DENND5A: variants seen among roughly 807,000 people sequenced by gnomAD.
DENND5A encodes the protein DENN domain containing 5A.
Under a neutral mutation model 140.3 loss-of-function variants are expected in DENND5A, and 64 were observed. That is an observed-to-expected ratio of 0.46 (90% CI 0.37 to 0.56). The LOEUF is 0.56. Among genes scored for constraint, DENND5A ranks in the 20% least tolerant of loss-of-function variants. The pLI is 0.00. For synonymous variants in DENND5A, 605 were observed against 607.7 expected (o/e 1.00, Z 0.07); for missense variants, 1,292 against 1,593.8 (o/e 0.81, Z 3.22).
chr11:9,221,933 A>G (rs1850329358), intron 1 of DENND5A, among the ~76,000 whole-genome samples: 1 of 151,476 alleles, frequency 6.6e-6, no homozygotes, highest in African/African-American at 2.4e-5. Context: ...AATTTTTTAT[A>G]TTTTTAGTAG....
chr11:9,236,544 GA>G (rs11367232), intron 1 of DENND5A, among the ~76,000 whole-genome samples: 6,155 of 145,446 alleles, frequency 0.042, 416 homozygotes, highest in African/African-American at 0.14. Flanking sequence ...AAAAAAGAAA[GA>G]AAAAAAAAAG....
intron 5 of DENND5A, among the ~76,000 whole-genome samples, chr11:9,181,583 C>T (rs902907245): frequency 6.6e-6 from 1 of 151,816 alleles, no homozygotes; most frequent in Non-Finnish European, 1.5e-5. Context: ...CAAAAAAATG[C>T]AAAAATTAGC....
At chr11:9,195,584 A>G (rs1006787159) in intron 4 of DENND5A, among the ~76,000 whole-genome samples, 10 of 152,318 alleles carry the variant, frequency 6.6e-5, no homozygotes, top group African/African-American at 2.4e-4. Context: ...CTTGGTTCAT[A>G]AAGTAGTTGT....
intron 6 of DENND5A, 38 bp downstream of exon 6, chr11:9,180,729 C>T: frequency 1.3e-6 from 2 of 1,589,694 alleles, no homozygotes; most frequent in Non-Finnish European, 1.7e-6. Context: ...CACCCTAGCA[C>T]AGATCACACG....
intron 1 of DENND5A, among the ~76,000 whole-genome samples, chr11:9,221,608 G>A (rs1366367107): frequency 6.6e-6 from 1 of 151,870 alleles, no homozygotes; most frequent in East Asian, 2.0e-4. Flanking sequence ...TCAGGCAATC[G>A]GTCTGCCTCG....
intron 5 of DENND5A, among the ~76,000 whole-genome samples, chr11:9,190,335 C>T (rs535134170): frequency 1.3e-5 from 2 of 152,050 alleles, no homozygotes; most frequent in Non-Finnish European, 2.9e-5. Context: ...TTGGCTGTGT[C>T]CCCACCCAAA....
intron 1 of DENND5A, among the ~76,000 whole-genome samples, chr11:9,226,692 CA>C (rs1226508479): frequency 3.3e-5 from 5 of 152,144 alleles, no homozygotes; most frequent in African/African-American, 1.2e-4. Flanking sequence ...TGGCAAAAAC[CA>C]AACTGACCGA....
In DENND5A at chr11:9,142,665, T is replaced by C. The variant is rs1182429357; in HGVS notation, c.3511+57A>G. 9.3e-6 allele frequency: 15 copies of C among 1,606,740 alleles called. No homozygotes were observed. In the East Asian group the frequency reaches 3.3e-4, roughly 36 times the overall value. ...GTGGTCAGCACCCATGCTATGCTGG[T>C]GAGTCCCCTTATATCTCTACATGCT... On this transcript the variant is annotated intron_variant, in intron 21 of 22. Transcript: ENST00000328194.
chr11:9,139,695 G>A lies in DENND5A; in HGVS notation c.3840C>T (p.Ser1280=). ...LQEFNITLET[S]LVKGIDI Reference sequence around the variant, plus strand: ...GTCAGATGTCGATGCCCTTGACAAGGGACGTCTCCAGCGTGATGTTGAACT... The same window carrying A: ...GTCAGATGTCGATGCCCTTGACAAGAGACGTCTCCAGCGTGATGTTGAACT... The change falls in exon 23 of 23, where the codon TCC becomes TCT. Residue 1280 remains serine (S), a synonymous_variant. Transcript: ENST00000328194. The A allele has an allele frequency of 1.2e-6, 2 of 1,613,818 alleles. No individual in the cohort carries two copies. Among genetic ancestry groups the A allele is most frequent in the Non-Finnish European group, 8.5e-7 (1 of 1,179,920 alleles).
intron 12 of DENND5A, among the ~76,000 whole-genome samples, chr11:9,153,310 A>ACTCCAGCC (rs145045545): frequency 0.041 from 5,414 of 130,774 alleles, 374 homozygotes; most frequent in African/African-American, 0.15. Context: ...ATGCCGCTGC[A>ACTCCAGCC]CTCCAGCCTG....
intron 1 of DENND5A, among the ~76,000 whole-genome samples, 183 bp from the exon 2 acceptor site, chr11:9,207,815 A>G (rs1564916116): frequency 6.6e-6 from 1 of 152,216 alleles, no homozygotes; most frequent in Admixed American, 6.5e-5. Context: ...TACTATATAT[A>G]TAATGTCCTC....
intron 1 of DENND5A, among the ~76,000 whole-genome samples, chr11:9,264,008 C>A (rs1852332805): frequency 1.3e-5 from 2 of 152,152 alleles, no homozygotes; most frequent in African/African-American, 4.8e-5. Context: ...GAGTCCCCCT[C>A]ATCAGGATGA....
chr11:9,237,951 T>C (rs903804143), intron 1 of DENND5A, among the ~76,000 whole-genome samples: 1 of 152,180 alleles, frequency 6.6e-6, no homozygotes, highest in East Asian at 1.9e-4. Flanking sequence ...GAAAAACCCC[T>C]ACAAGTGTGT....
intron 3 of DENND5A, among the ~76,000 whole-genome samples, chr11:9,206,117 A>G (rs1288902183): frequency 6.6e-6 from 1 of 152,246 alleles, no homozygotes. Flanking sequence ...TAAGGATTAA[A>G]TAAGTTAATT....
chr11:9,217,082 A>G (rs1850121674), intron 1 of DENND5A, among the ~76,000 whole-genome samples: 1 of 152,174 alleles, frequency 6.6e-6, no homozygotes, highest in South Asian at 2.1e-4. Context: ...TGATGAACAG[A>G]TGAATGAAAT....
intron 13 of DENND5A, among the ~76,000 whole-genome samples, chr11:9,151,297 T>A (rs1256678817): frequency 6.6e-6 from 1 of 152,222 alleles, no homozygotes; most frequent in Non-Finnish European, 1.5e-5. Context: ...TACCTTTATA[T>A]CCTCATGTCT....
chr11:9,228,834 T>C (rs1850642638), intron 1 of DENND5A, among the ~76,000 whole-genome samples: 1 of 152,214 alleles, frequency 6.6e-6, no homozygotes, highest in South Asian at 2.1e-4. Flanking sequence ...ACACACATCT[T>C]GCCGCAAACT....
chr11:9,260,956 T>G (rs1852169016), intron 1 of DENND5A, among the ~76,000 whole-genome samples: 1 of 152,142 alleles, frequency 6.6e-6, no homozygotes, highest in Non-Finnish European at 1.5e-5. Context: ...TCAAGTGACC[T>G]TCTCACCTCA....
intron 5 of DENND5A, among the ~76,000 whole-genome samples, chr11:9,183,207 A>G (rs1192098148): frequency 3.3e-5 from 5 of 152,178 alleles, no homozygotes; most frequent in Admixed American, 6.5e-5. Flanking sequence ...CATTGCCTTC[A>G]TTGCAGCACA....
Sources: gnomAD v4.1 joint callset for allele counts (sites outside exome capture counted in the v4.1 genomes callset) on GRCh38, gnomAD v4.1.1 for gene constraint, MANE v1.5 for transcripts, NCBI Gene and HGNC (gene_info 2026-07-23, HGNC 2026-07-21) for gene names.